CROCC2: variants seen among roughly 807,000 people sequenced by gnomAD.
The protein encoded by CROCC2 is ciliary rootlet coiled-coil, rootletin family member 2, also known as ciliary rootlet coiled-coil protein 2.
CROCC2 carries 163 observed loss-of-function variants against 177.6 expected under a neutral mutation model. The observed-to-expected ratio is 0.92, with a 90% CI of 0.81 to 1.05. CROCC2 has a LOEUF of 1.05. CROCC2 is among the 50% of genes least tolerant of loss of function. The pLI, the probability that CROCC2 is intolerant of heterozygous loss-of-function variation, is 0.00. For synonymous variants in CROCC2, 904 were observed against 787.3 expected, an observed-to-expected ratio of 1.15 and a Z score of -2.48; for missense variants, 1,929 against 1,797.8, an observed-to-expected ratio of 1.07 and a Z score of -1.32.
intron 20 of CROCC2, 21 bp downstream of exon 20, chr2:240,959,465 G>A: frequency 1.3e-6 from 2 of 1,547,666 alleles, no homozygotes; most frequent in Non-Finnish European, 1.7e-6. Flanking sequence ...GGGCTGGGGG[G>A]CTCCTGGGGA....
rs2059448059 is a variant in CROCC2 at position 240,933,565 on chromosome 2, C to T, written c.1464-105C>T. 4.6e-6 allele frequency: 6 copies of T among 1,317,530 alleles called. No homozygotes were observed. In the East Asian group the frequency reaches 1.0e-4, roughly 22 times the overall value. 81.6% of individuals were successfully genotyped at this position (1,317,530 alleles called of 1,614,324 possible). On this transcript the variant is annotated intron_variant, in intron 10 of 31. Coordinates refer to ENST00000690015, the MANE Select transcript of CROCC2 (RefSeq NM_001351305.2). ...GCTTCTCAGGCTCCCTCTGCCCATG[C>T]AGTCTCAGGGGCTGGCATCCACCCA...
At chr2:240,914,133 GGGA>G (rs1229202879) in intron 1 of CROCC2, among the ~76,000 whole-genome samples, 1 of 152,196 alleles carries the variant, frequency 6.6e-6, no homozygotes, top group Non-Finnish European at 1.5e-5. Flanking sequence ...GGGCACACAG[GGGA>G]GGAGAACTGC....
In CROCC2 at chr2:240,960,123, G is replaced by T. The variant is rs912440400; in HGVS notation, c.3087+679G>T. Among the ~76,000 whole-genome samples, 6 of 152,248 alleles carry T rather than the reference G, an allele frequency of 3.9e-5. No individual in the cohort carries two copies. Among genetic ancestry groups the T allele is most frequent in the Admixed American group, 6.5e-5 (1 of 15,290 alleles). ...CTCCCAAAGCCTTCCCGAGAGACAG[G>T]CATGACCTGGGGCGAAGGGGAATTC... On this transcript the variant is annotated intron_variant, in intron 20 of 31. Coordinates refer to ENST00000690015, the MANE Select transcript of CROCC2 (RefSeq NM_001351305.2). The surrounding 1 kb of genome is among the most constrained non-coding windows in gnomAD (Gnocchi z 5.0).
intron 10 of CROCC2, 97 bp downstream of exon 10, chr2:240,933,439 G>T (rs4425072): frequency 7.7e-7 from 1 of 1,302,280 alleles, no homozygotes; most frequent in East Asian, 2.5e-5. Context: ...GAGCTGGAGG[G>T]GTTGCCAGCC....
Position 240,946,043 on chromosome 2 carries a change from C to A in CROCC2, c.2170-17C>A. The stretch of plus-strand genomic sequence containing the variant: ...ACTCTCTTTCTCTGCCGACTGTCCC[C>A]TCCCCACCTCCCCTAGGTCACATGC... On this transcript the variant is annotated splice_polypyrimidine_tract_variant and intron_variant, in intron 14 of 31. Coordinates refer to ENST00000690015, the MANE Select transcript of CROCC2 (RefSeq NM_001351305.2). 6.7e-7 allele frequency: 1 copy of A among 1,482,616 alleles called. No individual in the cohort carries two copies. The highest frequency in any genetic ancestry group is 1.3e-5 in the South Asian group (1 of 76,310). The allele number at this position is 1,482,616 out of a possible 1,614,324, so 91.8% of individuals were successfully genotyped here.
rs2059731021 is a variant in CROCC2 at position 240,972,834 on chromosome 2, C to G, written c.4401+4572C>G. The stretch of plus-strand genomic sequence containing the variant: ...AAAGTTTTTCCCAACTTTTTGTAAT[C>G]TATGAGTCATTGTGATAGGTTTCTG... On this transcript the variant is annotated intron_variant, in intron 27 of 31. Transcript: ENST00000690015. The surrounding 1 kb of genome is among the most constrained non-coding windows in gnomAD (Gnocchi z 7.1). Among the ~76,000 whole-genome samples, 1 of 152,066 alleles carries G rather than the reference C, an allele frequency of 6.6e-6. No individual in the cohort carries two copies. The highest frequency in any genetic ancestry group is 1.5e-5 in the Non-Finnish European group (1 of 68,014).
chr2:240,967,711 C>A, intron 26 of CROCC2: 1 of 452,926 alleles, frequency 2.2e-6, no homozygotes, highest in South Asian at 9.3e-5. Context: ...CCCTCCCGAT[C>A]CGGCCCCCAG....
At chr2:240,946,463 G>T (rs904025034) in intron 15 of CROCC2, among the ~76,000 whole-genome samples, 3 of 152,242 alleles carry the variant, frequency 2.0e-5, no homozygotes, top group African/African-American at 7.2e-5. Flanking sequence ...AAGCGCTGGG[G>T]TCACCCTCCT....
chr2:240,983,481 C>G, intron 28 of CROCC2: 3 of 1,241,250 alleles, frequency 2.4e-6, no homozygotes, highest in Non-Finnish European at 3.1e-6. Flanking sequence ...GAGGCGCAGG[C>G]GGAGAGGCGC....
Position 240,982,817 on chromosome 2 carries a change from T to C in CROCC2, c.4402-63T>C. ...CTAGGCAGATGCCCTGAGGCCAGGG[T>C]TTCCCTGCAGGGCCTCCCACCCCCA... On this transcript the variant is annotated intron_variant, in intron 27 of 31. Coordinates refer to ENST00000690015, the MANE Select transcript of CROCC2 (RefSeq NM_001351305.2). The surrounding 1 kb of genome is among the most constrained non-coding windows in gnomAD (Gnocchi z 4.7). 6.9e-7 allele frequency: 1 copy of C among 1,449,216 alleles called. No homozygotes were observed. The highest frequency in any genetic ancestry group is 9.3e-7 in the Non-Finnish European group (1 of 1,074,018). 89.8% of individuals were successfully genotyped at this position (1,449,216 alleles called of 1,614,324 possible).
In CROCC2 at chr2:240,949,770, T is replaced by C; in HGVS notation, c.2652+68T>C. ...CCAGGTCCCGGGGAATGGCAGGCCC[T>C]TGGGAGGAGGGGGCCCTGGGAGACA... On this transcript the variant is annotated intron_variant, in intron 17 of 31. Coordinates refer to ENST00000690015, the MANE Select transcript of CROCC2 (RefSeq NM_001351305.2). The surrounding 1 kb of genome is among the most constrained non-coding windows in gnomAD (Gnocchi z 4.5). 4.1e-6 allele frequency: 6 copies of C among 1,449,960 alleles called. No homozygotes were observed. The highest frequency in any genetic ancestry group is 5.0e-5 in the East Asian group (2 of 39,962). The allele number at this position is 1,449,960 out of a possible 1,614,324, so 89.8% of individuals were successfully genotyped here.
At chr2:240,950,918 T>G (rs1454753404) in intron 18 of CROCC2, 3 of 179,898 alleles carry the variant, frequency 1.7e-5, no homozygotes, top group Non-Finnish European at 3.5e-5. Flanking sequence ...CATCCAGCCA[T>G]CCATCCACCC....
chr2:240,933,779 C>T lies in CROCC2; in HGVS notation c.1573C>T (p.Leu525Phe), dbSNP rs908220966. 1.3e-6 allele frequency: 2 copies of T among 1,549,250 alleles called. No individual in the cohort carries two copies. The highest frequency in any genetic ancestry group is 2.7e-5 in the African/African-American group (2 of 73,018). Residue 525 changes from leucine to phenylalanine, a missense_variant, in exon 11 of 32, where the codon CTC becomes TTC. Transcript: ENST00000690015. ...CGAGGCTGCAGAGCTGCAGAGAAGCCTCCTGCTGCAGGCAGAGCGGAGGGA... is the reference window on the plus strand; with the variant it reads ...CGAGGCTGCAGAGCTGCAGAGAAGCTTCCTGCTGCAGGCAGAGCGGAGGGA... ...EAEAAELQRS[L>F]LLQAERREEL...
In CROCC2 at chr2:240,974,037, T is replaced by C. The variant is rs190885268; in HGVS notation, c.4401+5775T>C. ...AGTTTTGCCCTGTGGGAGTGTAACTTATCTTACACATTCAATACGTTGCCA... is the reference window on the plus strand; with the variant it reads ...AGTTTTGCCCTGTGGGAGTGTAACTCATCTTACACATTCAATACGTTGCCA... On this transcript the variant is annotated intron_variant, in intron 27 of 31. Coordinates refer to ENST00000690015, the MANE Select transcript of CROCC2 (RefSeq NM_001351305.2). Among the ~76,000 whole-genome samples, 84 of 152,364 alleles carry C rather than the reference T, an allele frequency of 5.5e-4. 1 individual carries two copies. The highest frequency in any genetic ancestry group is 1.9e-3 in the African/African-American group (81 of 41,578).
chr2:240,959,194 C>G (rs908217843), intron 19 of CROCC2, 107 bp from the exon 20 acceptor site: 82 of 1,317,668 alleles, frequency 6.2e-5, no homozygotes, highest in East Asian at 4.3e-4. Flanking sequence ...CCGGCTCCCC[C>G]TCCCAGGCCA....
rs1424428758 is a variant in CROCC2 at position 240,922,547 on chromosome 2, C to G, written c.390C>G (p.Ala130=). The G allele has an allele frequency of 1.4e-6, 1 of 694,630 alleles. No homozygotes were observed. Among genetic ancestry groups the G allele is most frequent in the Non-Finnish European group, 2.7e-6 (1 of 371,248 alleles). 43.0% of individuals were successfully genotyped at this position (694,630 alleles called of 1,614,324 possible). The change falls in exon 4 of 32, where the codon GCC becomes GCG. Residue 130 remains alanine (A), a synonymous_variant. Coordinates refer to ENST00000690015, the MANE Select transcript of CROCC2 (RefSeq NM_001351305.2). ...CTATTGCTCCTCCCCAGCTGCAGGCCCGGCTGGAGACCACCGAGGCTCAGC... is the reference window on the plus strand; with the variant it reads ...CTATTGCTCCTCCCCAGCTGCAGGCGCGGCTGGAGACCACCGAGGCTCAGC... The part of the protein sequence containing the change: ...RCRVVSEQLQ[A]RLETTEAQLR...
intron 14 of CROCC2, among the ~76,000 whole-genome samples, chr2:240,936,893 A>AG (rs1399724641): frequency 6.6e-6 from 1 of 152,176 alleles, no homozygotes; most frequent in African/African-American, 2.4e-5. Flanking sequence ...GTCAAATTGG[A>AG]GGAGGGGCCT....
At chr2:240,974,534 CTTTTTTTTTT>C (rs61276773) in intron 27 of CROCC2, among the ~76,000 whole-genome samples, 1 of 134,916 alleles carries the variant, frequency 7.4e-6, no homozygotes, top group Non-Finnish European at 1.6e-5. Context: ...TCTTTTTTTT[CTTTTTTTTTT>C]TTTTTTGTAG....
chr2:240,975,260 G>C (rs1163042031), intron 27 of CROCC2, among the ~76,000 whole-genome samples: 1 of 152,246 alleles, frequency 6.6e-6, no homozygotes, highest in Non-Finnish European at 1.5e-5. Context: ...AGAGTCCAGA[G>C]GAGGCCCTGC....
Sources: gnomAD v4.1 joint callset for allele counts (sites outside exome capture counted in the v4.1 genomes callset) on GRCh38, gnomAD v4.1.1 for gene constraint, Gnocchi (gnomAD v3.1) non-coding constraint, MANE v1.5 for transcripts, NCBI Gene and HGNC (gene_info 2026-07-23, HGNC 2026-07-21) for gene names.